EEIG2: variants seen among roughly 807,000 people sequenced by gnomAD.
EEIG2 encodes the protein EEIG family member 2, also known as family with sequence similarity 102 member B.
the EEIG2 span, chr1:108,612,171 T>C: frequency 1.3e-6 from 2 of 1,596,316 alleles, no homozygotes; most frequent in Non-Finnish European, 1.7e-6. Flanking sequence ...TCTCTTTCTT[T>C]TCATAGCTGG....
chr1:108,584,898 C>G, the EEIG2 span, among the ~76,000 whole-genome samples: 1 of 151,986 alleles, frequency 6.6e-6, no homozygotes, highest in Admixed American at 6.6e-5. Flanking sequence ...TTAGAAATAG[C>G]CTCAGGAAGT....
At chr1:108,565,389 A>G in the EEIG2 span, among the ~76,000 whole-genome samples, 1 of 152,236 alleles carries the variant, frequency 6.6e-6, no homozygotes, top group Admixed American at 6.5e-5. Flanking sequence ...GTTGACCAAA[A>G]TGTCCTCATG....
At chr1:108,603,478 G>A in the EEIG2 span, among the ~76,000 whole-genome samples, 8 of 152,060 alleles carry the variant, frequency 5.3e-5, no homozygotes, top group Non-Finnish European at 1.2e-4. Context: ...CCTCCAGTCC[G>A]CTCAATCCCT....
At chr1:108,621,035 C>A in the EEIG2 span, among the ~76,000 whole-genome samples, 1 of 7,874 alleles carries the variant, frequency 1.3e-4, no homozygotes, top group East Asian at 5.7e-3. Context: ...AGGGACACCC[C>A]AGGAGAGAAA....
At chr1:108,616,954 A>T in the EEIG2 span, among the ~76,000 whole-genome samples, 3 of 152,210 alleles carry the variant, frequency 2.0e-5, no homozygotes, top group Non-Finnish European at 4.4e-5. Flanking sequence ...TATATATAGT[A>T]GTCAGGGGAG....
the EEIG2 span, among the ~76,000 whole-genome samples, chr1:108,594,515 T>C: frequency 6.6e-6 from 1 of 152,202 alleles, no homozygotes; most frequent in East Asian, 1.9e-4. Flanking sequence ...AGTCACATAA[T>C]TTCTGTGTAT....
the EEIG2 span, among the ~76,000 whole-genome samples, chr1:108,594,325 C>G: frequency 6.6e-6 from 1 of 151,910 alleles, no homozygotes; most frequent in Non-Finnish European, 1.5e-5. Context: ...AAAAAATTAC[C>G]CTTGGATTTG....
chr1:108,579,766 T>TGAGAGAGAGAGAGAGAGAGA, the EEIG2 span, among the ~76,000 whole-genome samples: 35 of 14,814 alleles, frequency 2.4e-3, no homozygotes, highest in Non-Finnish European at 5.3e-3. Flanking sequence ...TGTGTGTGTG[T>TGAGAGAGAGAGAGAGAGAGA]GTGTGTGAGA....
chr1:108,572,149 A>G, the EEIG2 span, among the ~76,000 whole-genome samples: 2 of 152,208 alleles, frequency 1.3e-5, no homozygotes, highest in Non-Finnish European at 2.9e-5. Context: ...TGTGTTTGAA[A>G]CATTCTGAAA....
the EEIG2 span, chr1:108,639,314 A>G: frequency 3.3e-5 from 5 of 151,928 alleles, no homozygotes; most frequent in African/African-American, 1.2e-4. Context: ...TAAAAATCAT[A>G]TATTAAAAGT....
At chr1:108,562,656 A>T in the EEIG2 span, among the ~76,000 whole-genome samples, 12 of 152,162 alleles carry the variant, frequency 7.9e-5, no homozygotes, top group Non-Finnish European at 4.4e-5. Flanking sequence ...CATCACTGAC[A>T]TGTGGTGGTG....
chr1:108,632,602 G>A, the EEIG2 span, among the ~76,000 whole-genome samples: 1 of 152,136 alleles, frequency 6.6e-6, no homozygotes, highest in Non-Finnish European at 1.5e-5. Context: ...AGAGACTTGG[G>A]TTCACATCCT....
At chr1:108,575,953 G>A in the EEIG2 span, among the ~76,000 whole-genome samples, 1 of 150,292 alleles carries the variant, frequency 6.7e-6, no homozygotes, top group Non-Finnish European at 1.5e-5. Flanking sequence ...GATATGATAT[G>A]TGAATGATAT....
At chr1:108,637,364 T>C in the EEIG2 span, 7 of 152,262 alleles carry the variant, frequency 4.6e-5, no homozygotes, top group South Asian at 2.1e-4. Flanking sequence ...TGGCACACTT[T>C]GTGTTCAAAT....
At chr1:108,577,718 G>A in the EEIG2 span, among the ~76,000 whole-genome samples, 1 of 89,038 alleles carries the variant, frequency 1.1e-5, no homozygotes, top group African/African-American at 3.2e-5. Context: ...AGTATAGTTT[G>A]AAGTCAGGTA....
the EEIG2 span, among the ~76,000 whole-genome samples, chr1:108,623,362 C>G: frequency 7.2e-5 from 11 of 152,096 alleles, no homozygotes; most frequent in African/African-American, 1.9e-4. Context: ...AGGCATGGTT[C>G]TGTGTGCCTA....
the EEIG2 span, chr1:108,635,964 G>C: frequency 6.6e-6 from 1 of 152,194 alleles, no homozygotes; most frequent in Non-Finnish European, 1.5e-5. Flanking sequence ...GGTTTCAGGA[G>C]TCAAAATGTA....
chr1:108,566,845 G>A, the EEIG2 span, among the ~76,000 whole-genome samples: 3 of 152,140 alleles, frequency 2.0e-5, no homozygotes, highest in African/African-American at 7.2e-5. Context: ...CTCATAGTGG[G>A]TGAGGGCACG....
the EEIG2 span, chr1:108,560,445 A>G: frequency 6.2e-7 from 1 of 1,611,662 alleles, no homozygotes; most frequent in South Asian, 1.1e-5. Context: ...AAGAAGAAGA[A>G]GTTTAAGTTT....
Sources: gnomAD v4.1 joint callset for allele counts (sites outside exome capture counted in the v4.1 genomes callset) on GRCh38, gnomAD v4.1.1 for gene constraint, MANE v1.5 for transcripts, NCBI Gene and HGNC (gene_info 2026-07-23, HGNC 2026-07-21) for gene names.